KCNIP1: variants seen among roughly 807,000 people sequenced by gnomAD.
KCNIP1 encodes the protein A-type potassium channel modulatory protein KCNIP1.
KCNIP1 carries 18 observed loss-of-function variants against 33.0 expected under a neutral mutation model. That is an observed-to-expected ratio of 0.55 (90% CI 0.38 to 0.81). KCNIP1 has a LOEUF of 0.81. Among genes scored for constraint, KCNIP1 ranks in the 30% least tolerant of loss-of-function variants. KCNIP1 has a pLI of 0.00. For synonymous variants in KCNIP1, 93 were observed against 98.3 expected (o/e 0.95, Z 0.32); for missense variants, 238 against 271.6 (o/e 0.88, Z 0.87).
intron 1 of KCNIP1, among the ~76,000 whole-genome samples, chr5:170,572,006 G>A (rs1381577811): frequency 6.6e-6 from 1 of 152,028 alleles, no homozygotes; most frequent in South Asian, 2.1e-4. Flanking sequence ...AGCACCCTAC[G>A]CACAGTAATG....
chr5:170,430,872 G>T (rs1461450648), intron 1 of KCNIP1, among the ~76,000 whole-genome samples: 2 of 152,282 alleles, frequency 1.3e-5, no homozygotes, highest in African/African-American at 4.8e-5. Flanking sequence ...CCCTTCACTA[G>T]TCTCATAGAT....
At chr5:170,418,983 TCTTTGAGGGCAGTAAC>T (rs1378403110) in intron 1 of KCNIP1, among the ~76,000 whole-genome samples, 2 of 152,260 alleles carry the variant, frequency 1.3e-5, no homozygotes, top group African/African-American at 4.8e-5. Context: ...GACGATATTT[TCTTTGAGGGCAGTAAC>T]CTTTCTTATA....
intron 1 of KCNIP1, among the ~76,000 whole-genome samples, chr5:170,674,239 C>T (rs777656487): frequency 6.6e-6 from 1 of 150,786 alleles, no homozygotes; most frequent in Non-Finnish European, 1.5e-5. Flanking sequence ...AGTTAAGTTA[C>T]ATCCACAGGT....
chr5:170,657,918 C>T, intron 1 of KCNIP1, among the ~76,000 whole-genome samples: 1 of 152,198 alleles, frequency 6.6e-6, no homozygotes, highest in East Asian at 1.9e-4. Flanking sequence ...GGCCTCAAAA[C>T]CTTCAAAACC....
intron 1 of KCNIP1, among the ~76,000 whole-genome samples, chr5:170,714,653 G>C (rs1015012982): frequency 7.9e-5 from 12 of 152,034 alleles, no homozygotes; most frequent in African/African-American, 2.4e-4. Flanking sequence ...AACGTGTGTG[G>C]TTGTGTCTTC....
intron 1 of KCNIP1, chr5:170,383,550 C>T (rs1764337961): frequency 3.9e-6 from 4 of 1,013,492 alleles, no homozygotes; most frequent in Non-Finnish European, 6.0e-6. Flanking sequence ...CTGGCTCAGT[C>T]TCATTCCAGC....
chr5:170,407,209 G>A (rs1581162627), intron 1 of KCNIP1, among the ~76,000 whole-genome samples: 1 of 152,310 alleles, frequency 6.6e-6, no homozygotes, highest in East Asian at 1.9e-4. Flanking sequence ...ACTGCTAGCG[G>A]GGGAAGCTGC....
rs143777357 is a variant in KCNIP1, at chr5:170,586,079, T to A, written c.61+81446T>A. On this transcript the variant is annotated intron_variant, in intron 1 of 7. Coordinates refer to ENST00000328939, the MANE Select transcript of KCNIP1 (RefSeq NM_014592.4). ...ACATGCCTGAATCTCAGTGCCCCCA[T>A]CTGTAAAATGGGGATAATTAATACC... Among the ~76,000 whole-genome samples, 106 of 152,322 alleles carry A rather than the reference T, an allele frequency of 7.0e-4. 2 individuals are homozygous for A. The East Asian group carries it at 0.019, about 27-fold the overall frequency.
chr5:170,624,738 G>T (rs1316634400), intron 1 of KCNIP1, among the ~76,000 whole-genome samples: 1 of 116,756 alleles, frequency 8.6e-6, no homozygotes, highest in Non-Finnish European at 1.8e-5. Context: ...GAGGTGGGGG[G>T]GGAGAGGGGA....
At chr5:170,599,685 G>A (rs1238598356) in intron 1 of KCNIP1, among the ~76,000 whole-genome samples, 1 of 116,374 alleles carries the variant, frequency 8.6e-6, no homozygotes, top group Non-Finnish European at 2.1e-5. Context: ...GGGTGGGGAA[G>A]AGCGAGAAGT....
intron 1 of KCNIP1, among the ~76,000 whole-genome samples, chr5:170,491,535 G>A (rs1211861501): frequency 1.3e-5 from 2 of 152,058 alleles, no homozygotes; most frequent in African/African-American, 4.8e-5. Context: ...TATAATATCA[G>A]TCATTTATAC....
chr5:170,410,830 T>C (rs1172073972), intron 1 of KCNIP1, among the ~76,000 whole-genome samples: 1 of 152,118 alleles, frequency 6.6e-6, no homozygotes, highest in Admixed American at 6.5e-5. Context: ...GTTGGCTCAG[T>C]GTAGGTGCAC....
At chr5:170,559,152 C>T (rs1756945173) in intron 1 of KCNIP1, among the ~76,000 whole-genome samples, 1 of 152,200 alleles carries the variant, frequency 6.6e-6, no homozygotes, top group Non-Finnish European at 1.5e-5. Flanking sequence ...CACCTTCACT[C>T]TAGACTGAAT....
intron 1 of KCNIP1, among the ~76,000 whole-genome samples, chr5:170,605,524 T>C (rs1758872217): frequency 6.6e-6 from 1 of 152,220 alleles, no homozygotes; most frequent in African/African-American, 2.4e-5. Context: ...CACTATCTGG[T>C]TCCAGAACTT....
At chr5:170,376,642 T>A (rs1764017837) in intron 1 of KCNIP1, 1 of 152,160 alleles carries the variant, frequency 6.6e-6, no homozygotes, top group African/African-American at 2.4e-5. Flanking sequence ...CCTGTGTTAG[T>A]TTGCTAAGGA....
At chr5:170,689,135 A>T (rs1325148467) in intron 1 of KCNIP1, among the ~76,000 whole-genome samples, 1 of 152,208 alleles carries the variant, frequency 6.6e-6, no homozygotes, top group Non-Finnish European at 1.5e-5. Context: ...AGGAGAGCCA[A>T]CAGAGATGTG....
At chr5:170,484,962 TG>T (rs1757055568) in intron 1 of KCNIP1, among the ~76,000 whole-genome samples, 1 of 135,320 alleles carries the variant, frequency 7.4e-6, no homozygotes. Context: ...TTTTTTGAGA[TG>T]GAGTTTCACT....
rs180683873 is a variant in KCNIP1, at chr5:170,529,284, A to G, written c.61+24651A>G. On this transcript the variant is annotated intron_variant, in intron 1 of 7. Transcript: ENST00000328939. Reference sequence around the variant, plus strand: ...TAGTCACCAGCAGCCCCATATTTACAGCCCACCAGCTCAGCAACCTCTGTG... The same window carrying G: ...TAGTCACCAGCAGCCCCATATTTACGGCCCACCAGCTCAGCAACCTCTGTG... Among the ~76,000 whole-genome samples, 439 of 152,260 alleles carry G rather than the reference A, an allele frequency of 2.9e-3. 1 individual carries two copies. Among genetic ancestry groups the G allele is most frequent in the African/African-American group, 9.7e-3 (402 of 41,532 alleles).
At chr5:170,628,716 C>T (rs148012252) in intron 1 of KCNIP1, among the ~76,000 whole-genome samples, 18 of 152,332 alleles carry the variant, frequency 1.2e-4, no homozygotes, top group African/African-American at 4.3e-4. Flanking sequence ...CCTGCGAAGA[C>T]ACCCGTCAAT....
Sources: allele counts gnomAD v4.1 joint callset (sites outside exome capture counted in the v4.1 genomes callset), GRCh38; gene constraint gnomAD v4.1.1; transcripts MANE v1.5; gene names NCBI Gene and HGNC (gene_info 2026-07-23, HGNC 2026-07-21).